Variants in GLRB observed in about 807,000 individuals in gnomAD.
GLRB encodes glycine receptor subunit beta.
A neutral mutation model predicts 54.2 loss-of-function variants in GLRB; 33 were observed. The observed-to-expected ratio is 0.61, with a 90% CI of 0.46 to 0.81. GLRB has a LOEUF of 0.81. GLRB is among the 40% of genes least tolerant of loss of function. GLRB has a pLI of 0.00. For synonymous variants in GLRB, 209 were observed against 208.2 expected, an observed-to-expected ratio of 1.00 and a Z score of -0.03; for missense variants, 572 against 584.6, an observed-to-expected ratio of 0.98 and a Z score of 0.22.
Position 157,118,123 on chromosome 4 carries a change from C to A in GLRB, c.123-2433C>A, listed in dbSNP as rs2126524188. On this transcript the variant is annotated intron_variant, in intron 2 of 9. Transcript: ENST00000264428. ...TGAGTTTGACTGACACAGCCTACAG[C>A]TAGAAGCAGAAAAATCAGCTGGAAA... 2.0e-5 allele frequency among the ~76,000 whole-genome samples: 3 copies of A among 151,660 alleles called. 1 individual carries two copies. In the Middle Eastern group the frequency reaches 0.01, roughly 516 times the overall value.
rs1391540906 is a variant in GLRB, at chr4:157,170,587, T to C, written c.1353T>C (p.Ser451=). Residue 451 remains serine (S), a synonymous_variant, in exon 10 of 10, where the codon TCT becomes TCC. Transcript: ENST00000264428. ...PIEVNNGLGK[S]QAKNNKKPPP... ...AAGTTAACAACGGACTTGGGAAATC[T>C]CAGGCTAAGAACAACAAGAAGCCTC... 1.2e-6 allele frequency: 2 copies of C among 1,613,596 alleles called. No individual in the cohort carries two copies. The highest frequency in any genetic ancestry group is 1.7e-4 in the Middle Eastern group (1 of 6,060).
rs114273132 is a variant in GLRB, at chr4:157,136,187, G to A, written c.298-282G>A. Among the ~76,000 whole-genome samples, 260 of 152,230 alleles carry A rather than the reference G, an allele frequency of 1.7e-3. 1 individual carries two copies. Among genetic ancestry groups the A allele is most frequent in the African/African-American group, 6.0e-3 (248 of 41,534 alleles). ...CATCTAATCAACTGTAATAATTGGT[G>A]TTTGTATAAAGGTAAAGGAACTATC... is the stretch of plus-strand genomic sequence containing the variant. On this transcript the variant is annotated intron_variant, in intron 4 of 9. Transcript: ENST00000264428.
intron 9 of GLRB, among the ~76,000 whole-genome samples, chr4:157,159,485 T>C (rs970765826): frequency 4.6e-5 from 7 of 152,310 alleles, no homozygotes; most frequent in Middle Eastern, 3.4e-3. Flanking sequence ...TAAATAGCTC[T>C]TATTATTTTG....
At chr4:157,088,098 G>T (rs954430684) in intron 2 of GLRB, among the ~76,000 whole-genome samples, 51 of 152,040 alleles carry the variant, frequency 3.4e-4, no homozygotes, top group Non-Finnish European at 1.2e-4. Context: ...TTATTAAATT[G>T]CTAATAAAAT....
chr4:157,145,880 G>A (rs1214172252), intron 8 of GLRB, among the ~76,000 whole-genome samples: 9 of 152,084 alleles, frequency 5.9e-5, no homozygotes, highest in Non-Finnish European at 1.5e-5. Flanking sequence ...GCAGGAGCAT[G>A]CTTGGACATT....
chr4:157,117,213 A>G lies in GLRB; in HGVS notation c.123-3343A>G, dbSNP rs75103727. Among the ~76,000 whole-genome samples the G allele has an allele frequency of 3.5e-3, 538 of 151,818 alleles. 12 individuals carry two copies. In the East Asian group the frequency reaches 0.061, roughly 17 times the overall value. On this transcript the variant is annotated intron_variant, in intron 2 of 9. Coordinates refer to ENST00000264428, the MANE Select transcript of GLRB (RefSeq NM_000824.5). ...TAAAGCAATATGTGTATGGATGGTA[A>G]TAAGAAGATAGATAATATTTCACTT...
At chr4:157,162,443 A>T (rs1040053418) in intron 9 of GLRB, among the ~76,000 whole-genome samples, 1 of 151,980 alleles carries the variant, frequency 6.6e-6, no homozygotes, top group Admixed American at 6.6e-5. Context: ...CAGCTTTTCT[A>T]CTCTGGTTTC....
At chr4:157,161,853 A>G (rs1023369706) in intron 9 of GLRB, among the ~76,000 whole-genome samples, 2 of 151,950 alleles carry the variant, frequency 1.3e-5, no homozygotes, top group Non-Finnish European at 2.9e-5. Flanking sequence ...CATTCTCTGT[A>G]TTTCCTGAAT....
rs1189138432 is a variant in GLRB at position 157,152,881 on chromosome 4, C to A, written c.1068C>A (p.Asn356Lys). 6.2e-7 allele frequency: 1 copy of A among 1,613,890 alleles called. No individual in the cohort carries two copies. Among genetic ancestry groups the A allele is most frequent in the African/African-American group, 1.3e-5 (1 of 74,904 alleles). ...CAGTTGTCCAGGTGATGCTGAACAA[C>A]CCCAAAAGGGTTGAAGCTGAAAAAG... ...EYAVVQVMLNNPKRVEAEKAR... is the reference protein window; with the variant it reads ...EYAVVQVMLNKPKRVEAEKAR... Residue 356 changes from asparagine (N) to lysine (K), a missense_variant, in exon 9 of 10, where the codon AAC becomes AAA. Transcript: ENST00000264428.
At chr4:157,125,925 T>C (rs1413394595) in intron 4 of GLRB, among the ~76,000 whole-genome samples, 1 of 151,756 alleles carries the variant, frequency 6.6e-6, no homozygotes, top group Admixed American at 6.6e-5. Flanking sequence ...GTCTTAACAT[T>C]TAAAAAGCTT....
intron 8 of GLRB, among the ~76,000 whole-genome samples, chr4:157,147,745 G>A (rs1736865460): frequency 6.6e-6 from 1 of 152,120 alleles, no homozygotes; most frequent in African/African-American, 2.4e-5. Context: ...TTTGCTAGGA[G>A]CAAAATGCAT....
intron 4 of GLRB, among the ~76,000 whole-genome samples, chr4:157,130,489 A>C (rs1736174400): frequency 6.6e-6 from 1 of 151,618 alleles, no homozygotes; most frequent in South Asian, 2.1e-4. Context: ...CTAAGTAATA[A>C]TTTTGAACAA....
intron 4 of GLRB, 104 bp downstream of exon 4, chr4:157,122,501 C>T: frequency 2.1e-6 from 1 of 477,712 alleles, no homozygotes; most frequent in Non-Finnish European, 3.9e-6. Context: ...ATAATCCATG[C>T]CCTTTCCTAG....
intron 2 of GLRB, among the ~76,000 whole-genome samples, chr4:157,091,774 C>G (rs1222619114): frequency 1.3e-5 from 2 of 152,156 alleles, no homozygotes; most frequent in Admixed American, 6.5e-5. Flanking sequence ...CTTCTCCTGC[C>G]ATGCTGCACT....
intron 2 of GLRB, among the ~76,000 whole-genome samples, chr4:157,107,343 G>A (rs886210522): frequency 6.6e-6 from 1 of 152,086 alleles, no homozygotes; most frequent in Non-Finnish European, 1.5e-5. Flanking sequence ...TATGTCAAAA[G>A]CCAAAACAGG....
intron 2 of GLRB, among the ~76,000 whole-genome samples, chr4:157,099,453 C>A (rs1454099875): frequency 6.6e-6 from 1 of 151,824 alleles, no homozygotes; most frequent in East Asian, 1.9e-4. Context: ...TCTCCTGCCT[C>A]AGCCTCACGA....
chr4:157,131,673 G>A (rs1352179105), intron 4 of GLRB, among the ~76,000 whole-genome samples: 3 of 151,542 alleles, frequency 2.0e-5, no homozygotes, highest in South Asian at 2.1e-4. Flanking sequence ...AATTGGAATC[G>A]TACATTATGC....
At chr4:157,123,687 A>G (rs1331331967) in intron 4 of GLRB, among the ~76,000 whole-genome samples, 1 of 151,792 alleles carries the variant, frequency 6.6e-6, no homozygotes, top group African/African-American at 2.4e-5. Flanking sequence ...AAATGTGGTT[A>G]ATCTGTCTAT....
intron 2 of GLRB, among the ~76,000 whole-genome samples, chr4:157,085,220 A>G (rs1195489660): frequency 1.3e-5 from 2 of 151,590 alleles, no homozygotes; most frequent in Non-Finnish European, 2.9e-5. Context: ...TTTTTTTTTC[A>G]CTACATCTGC....
Sources: allele counts gnomAD v4.1 joint callset (sites outside exome capture counted in the v4.1 genomes callset), GRCh38; gene constraint gnomAD v4.1.1; transcripts MANE v1.5; gene names NCBI Gene and HGNC (gene_info 2026-07-23, HGNC 2026-07-21).